Variants in SEMA5A observed in about 807,000 individuals in gnomAD.
SEMA5A encodes semaphorin-5A.
Under a neutral mutation model 135.5 loss-of-function variants are expected in SEMA5A, and 55 were observed. That is an observed-to-expected ratio of 0.41 (90% CI 0.33 to 0.51). The LOEUF (loss-of-function observed/expected upper bound fraction) is 0.51, where lower values mean the gene tolerates loss of function less well. SEMA5A is among the 20% of genes least tolerant of loss of function. The pLI is 0.37. For synonymous variants in SEMA5A, 580 were observed against 546.5 expected, an observed-to-expected ratio of 1.06 and a Z score of -0.85; for missense variants, 1,290 against 1,419.9, an observed-to-expected ratio of 0.91 and a Z score of 1.47.
At position 9,470,227 on chromosome 5, in the gene SEMA5A, G is replaced by A. The variant is rs1211589565; in HGVS notation, c.-174-32375C>T. On this transcript the variant is annotated intron_variant, in intron 1 of 22. Coordinates refer to ENST00000382496, the MANE Select transcript of SEMA5A (RefSeq NM_003966.3). ...CCTTGATGTTAGGGTGTGTCCCCAG[G>A]TTGCACAAAGAAGTTTCAGAAGTGG... Among the ~76,000 whole-genome samples the A allele has an allele frequency of 2.6e-5, 4 of 152,194 alleles. No individual in the cohort carries two copies. The East Asian group carries it at 7.7e-4, about 29-fold the overall frequency.
intron 1 of SEMA5A, among the ~76,000 whole-genome samples, chr5:9,467,051 GC>G (rs1220841496): frequency 6.6e-6 from 1 of 152,178 alleles, no homozygotes; most frequent in African/African-American, 2.4e-5. Context: ...CAAAGTTTTG[GC>G]CCTTCTCATC....
intron 2 of SEMA5A, among the ~76,000 whole-genome samples, chr5:9,436,778 C>T (rs1758047630): frequency 6.6e-6 from 1 of 152,210 alleles, no homozygotes; most frequent in Non-Finnish European, 1.5e-5. Flanking sequence ...TGTTCCTCCC[C>T]TACACAACTA....
chr5:9,300,210 T>C (rs1751547599), intron 5 of SEMA5A, among the ~76,000 whole-genome samples: 1 of 152,138 alleles, frequency 6.6e-6, no homozygotes, highest in East Asian at 1.9e-4. Context: ...GTAATTTTTG[T>C]AGAGACAGGG....
At chr5:9,418,046 G>A (rs1757340524) in intron 2 of SEMA5A, among the ~76,000 whole-genome samples, 1 of 151,024 alleles carries the variant, frequency 6.6e-6, no homozygotes, top group Non-Finnish European at 1.5e-5. Flanking sequence ...GCGTGATCTC[G>A]GCTCACTGCA....
At chr5:9,090,385 ATAGCTCTTTAACTTC>A (rs1738966768) in intron 16 of SEMA5A, among the ~76,000 whole-genome samples, 1 of 152,244 alleles carries the variant, frequency 6.6e-6, no homozygotes, top group Non-Finnish European at 1.5e-5. Flanking sequence ...CCATCTGCTG[ATAGCTCTTTAACTTC>A]TAATGCCTTT....
At position 9,040,542 on chromosome 5, in the gene SEMA5A, A is replaced by C. The variant is rs944045131; in HGVS notation, c.*2355T>G. 1 of 152,252 alleles carries C rather than the reference A, an allele frequency of 6.6e-6. No individual in the cohort carries two copies. Among genetic ancestry groups the C allele is most frequent in the African/African-American group, 2.4e-5 (1 of 41,472 alleles). The allele number at this position is 152,252 out of a possible 1,614,324, so 9.4% of individuals were successfully genotyped here. A position where few individuals can be genotyped will look rare whatever the true frequency, so the allele number is the denominator to read the frequency against. On this transcript the variant is annotated 3_prime_UTR_variant, in exon 23 of 23. Transcript: ENST00000382496. ...TTATCTAAACACTTGCTATTCTGTCAAATAAGAGAGAGAGAGAAAGGAAGA... is the reference window on the plus strand; with the variant it reads ...TTATCTAAACACTTGCTATTCTGTCCAATAAGAGAGAGAGAGAAAGGAAGA...
chr5:9,347,440 G>A (rs1486926041), intron 3 of SEMA5A, among the ~76,000 whole-genome samples: 1 of 152,196 alleles, frequency 6.6e-6, no homozygotes. Flanking sequence ...CCTGGTGGAT[G>A]TCTCAGAAAC....
At chr5:9,258,803 C>CTCTTTTTTTTT in intron 5 of SEMA5A, among the ~76,000 whole-genome samples, 1 of 48,984 alleles carries the variant, frequency 2.0e-5, no homozygotes, top group Admixed American at 3.7e-4. Flanking sequence ...TTCTTTCTTT[C>CTCTTTTTTTTT]TTTTTTTTTT....
intron 2 of SEMA5A, among the ~76,000 whole-genome samples, chr5:9,400,622 T>C (rs1756618642): frequency 9.4e-6 from 1 of 106,184 alleles, no homozygotes; most frequent in Non-Finnish European, 1.9e-5. Context: ...TTCTCCCGCC[T>C]CAGCCTCCCA....
intron 2 of SEMA5A, 108 bp from the exon 3 acceptor site, chr5:9,380,131 A>T: frequency 4.2e-6 from 3 of 721,486 alleles, no homozygotes; most frequent in Non-Finnish European, 6.6e-6. Flanking sequence ...TTGTGGAGAT[A>T]GAGGAGAGCT....
At chr5:9,184,468 G>A (rs1560997958) in intron 11 of SEMA5A, among the ~76,000 whole-genome samples, 1 of 152,032 alleles carries the variant, frequency 6.6e-6, no homozygotes, top group Non-Finnish European at 1.5e-5. Flanking sequence ...AGGGTTCTTT[G>A]GTTCAAAGAC....
At chr5:9,287,719 C>A (rs73742627) in intron 5 of SEMA5A, among the ~76,000 whole-genome samples, 5 of 152,114 alleles carry the variant, frequency 3.3e-5, no homozygotes, top group Non-Finnish European at 5.9e-5. Context: ...TGTCTATAGC[C>A]GGCTTTGTAC....
At chr5:9,462,723 G>T (rs1180399169) in intron 1 of SEMA5A, among the ~76,000 whole-genome samples, 1 of 152,088 alleles carries the variant, frequency 6.6e-6, no homozygotes, top group South Asian at 2.1e-4. Flanking sequence ...ACCAACACAG[G>T]AATAGAAAAC....
At chr5:9,436,850 G>C (rs920594077) in intron 2 of SEMA5A, among the ~76,000 whole-genome samples, 5 of 152,128 alleles carry the variant, frequency 3.3e-5, no homozygotes, top group African/African-American at 1.2e-4. Context: ...GCAACACCTA[G>C]GTCTAAAGTG....
chr5:9,143,639 TA>T (rs1254215574), intron 12 of SEMA5A, among the ~76,000 whole-genome samples: 1 of 152,182 alleles, frequency 6.6e-6, no homozygotes, highest in Non-Finnish European at 1.5e-5. Context: ...ATTGATAATT[TA>T]AAAAACAGTG....
intron 16 of SEMA5A, among the ~76,000 whole-genome samples, chr5:9,079,265 A>G (rs147966693): frequency 1.2e-3 from 182 of 152,280 alleles, no homozygotes; most frequent in African/African-American, 4.2e-3. Context: ...ACTCACTCAA[A>G]ACCACACAAC....
At chr5:9,312,503 T>TAA (rs1236995002) in intron 5 of SEMA5A, among the ~76,000 whole-genome samples, 1 of 152,168 alleles carries the variant, frequency 6.6e-6, no homozygotes, top group Non-Finnish European at 1.5e-5. Flanking sequence ...AGAGACATCT[T>TAA]CTCTTAATAT....
chr5:9,188,188 G>A (rs1045391701), intron 11 of SEMA5A, among the ~76,000 whole-genome samples: 7 of 152,178 alleles, frequency 4.6e-5, no homozygotes, highest in African/African-American at 1.4e-4. Context: ...TTCATTCTGT[G>A]AGGACACAAC....
intron 1 of SEMA5A, among the ~76,000 whole-genome samples, chr5:9,507,987 G>C (rs759928567): frequency 4.8e-5 from 7 of 145,440 alleles, no homozygotes; most frequent in Non-Finnish European, 9.0e-5. Context: ...CTGGGCGAGA[G>C]AGCAAGACTC....
Sources: allele counts gnomAD v4.1 joint callset (sites outside exome capture counted in the v4.1 genomes callset), GRCh38; gene constraint gnomAD v4.1.1; transcripts MANE v1.5; gene names NCBI Gene and HGNC (gene_info 2026-07-23, HGNC 2026-07-21).